MAML2: variants seen among roughly 807,000 people sequenced by gnomAD.
MAML2 encodes mastermind like transcriptional coactivator 2, also known as mastermind-like protein 2.
Under a neutral mutation model 96.1 loss-of-function variants are expected in MAML2, and 22 were observed. The ratio of observed to expected loss-of-function variants is 0.23; its 90% CI spans 0.16 to 0.33. The LOEUF is 0.33. MAML2 is among the 10% of genes least tolerant of loss of function. The pLI is 1.00. For missense variants in MAML2, 1,367 were observed against 1,392.4 expected (o/e 0.98, Z 0.29); for synonymous variants, 561 against 521.3 (o/e 1.08, Z -1.04).
chr11:96,166,177 T>TCACACACACA (rs1555018442), intron 1 of MAML2, among the ~76,000 whole-genome samples: 181 of 110,364 alleles, frequency 1.6e-3, no homozygotes, highest in African/African-American at 6.0e-3. Context: ...TCTCTCTCTC[T>TCACACACACA]CACACACACA....
At chr11:96,340,796 C>T (rs762483027) in intron 1 of MAML2, among the ~76,000 whole-genome samples, 4 of 152,114 alleles carry the variant, frequency 2.6e-5, no homozygotes, top group Non-Finnish European at 4.4e-5. Context: ...ACAGTGCCTC[C>T]CTAGTCTCTC....
chr11:96,157,956 G>C (rs1455850291), intron 1 of MAML2, among the ~76,000 whole-genome samples: 1 of 152,024 alleles, frequency 6.6e-6, no homozygotes, highest in South Asian at 2.1e-4. Context: ...AAGCTTCAAG[G>C]GGTGGTCTCT....
intron 1 of MAML2, among the ~76,000 whole-genome samples, chr11:96,200,212 C>T (rs139621664): frequency 6.6e-6 from 1 of 152,250 alleles, no homozygotes; most frequent in East Asian, 1.9e-4. Flanking sequence ...TGATTTTGCT[C>T]ACAATTAGTC....
At chr11:96,213,058 T>C (rs11021472) in intron 1 of MAML2, among the ~76,000 whole-genome samples, 1 of 152,082 alleles carries the variant, frequency 6.6e-6, no homozygotes, top group Non-Finnish European at 1.5e-5. Flanking sequence ...GTATCATATG[T>C]GGTAGGAACT....
At chr11:96,294,904 T>C (rs539033237) in intron 1 of MAML2, among the ~76,000 whole-genome samples, 5 of 152,178 alleles carry the variant, frequency 3.3e-5, no homozygotes, top group Non-Finnish European at 7.3e-5. Flanking sequence ...GATTCCAAGG[T>C]TCCATGCATG....
rs893397975 is a variant in MAML2, at chr11:96,076,438, A to T, written c.2139+15454T>A. 3.4e-3 allele frequency among the ~76,000 whole-genome samples: 171 copies of T among 50,766 alleles called. 1 individual carries two copies. The highest frequency in any genetic ancestry group is 0.01 in the African/African-American group (141 of 13,944). 33.3% of individuals were successfully genotyped at this position (50,766 alleles called of 152,430 possible). On this transcript the variant is annotated intron_variant, in intron 2 of 4. Coordinates refer to ENST00000524717, the MANE Select transcript of MAML2 (RefSeq NM_032427.4). Reference sequence around the variant, plus strand: ...TTTTGTCTCTCTCTCTCTCTCACACACACACACACACACACACACACACAC... The same window carrying T: ...TTTTGTCTCTCTCTCTCTCTCACACTCACACACACACACACACACACACAC...
intron 2 of MAML2, among the ~76,000 whole-genome samples, chr11:96,032,798 G>T (rs1858639472): frequency 6.6e-6 from 1 of 152,164 alleles, no homozygotes; most frequent in Non-Finnish European, 1.5e-5. Flanking sequence ...AGTGGCAAAA[G>T]GGTATATACT....
At chr11:96,234,968 A>G (rs557323558) in intron 1 of MAML2, among the ~76,000 whole-genome samples, 1 of 152,362 alleles carries the variant, frequency 6.6e-6, no homozygotes, top group Admixed American at 6.5e-5. Flanking sequence ...AAGTGGAACA[A>G]TGGTGACACA....
chr11:96,066,245 G>A (rs1423783657), intron 2 of MAML2, among the ~76,000 whole-genome samples: 4 of 152,180 alleles, frequency 2.6e-5, no homozygotes, highest in Non-Finnish European at 5.9e-5. Context: ...GTCACCAATA[G>A]TGCCAATGAG....
chr11:96,146,122 G>A (rs949262965), intron 1 of MAML2, among the ~76,000 whole-genome samples: 15 of 152,218 alleles, frequency 9.9e-5, no homozygotes, highest in Non-Finnish European at 1.6e-4. Flanking sequence ...ACCACAAAGT[G>A]AGGGAAAAGG....
chr11:96,225,170 G>A (rs1409593226), intron 1 of MAML2, among the ~76,000 whole-genome samples: 1 of 152,168 alleles, frequency 6.6e-6, no homozygotes, highest in Non-Finnish European at 1.5e-5. Flanking sequence ...CAGCTTCTAA[G>A]GAACAAAATA....
rs760811590 is a variant in MAML2 at position 96,159,407 on chromosome 11, C to CTTTTTTTTTTTTTTTTTTTTTTTTT, written c.514-65891_514-65890insAAAAAAAAAAAAAAAAAAAAAAAAA. ...TAACCGTGCCTCTAAACCACTGATTCTTTTTTTTTTTTTTTTTTTTTTTGA... is the reference window on the plus strand; with the variant it reads ...TAACCGTGCCTCTAAACCACTGATTCTTTTTTTTTTTTTTTTTTTTTTTTTTTTTTTTTTTTTTTTTTTTTTTTGA... On this transcript the variant is annotated intron_variant, in intron 1 of 4. Transcript: ENST00000524717. Among the ~76,000 whole-genome samples the CTTTTTTTTTTTTTTTTTTTTTTTTT allele has an allele frequency of 6.6e-5, 6 of 91,150 alleles. 1 individual carries two copies. Among genetic ancestry groups the CTTTTTTTTTTTTTTTTTTTTTTTTT allele is most frequent in the African/African-American group, 1.3e-4 (3 of 22,704 alleles). The allele number at this position is 91,150 out of a possible 152,430, so 59.8% of individuals were successfully genotyped here.
At chr11:96,306,597 A>G (rs1360521205) in intron 1 of MAML2, among the ~76,000 whole-genome samples, 1 of 152,236 alleles carries the variant, frequency 6.6e-6, no homozygotes, top group African/African-American at 2.4e-5. Context: ...TATTTTGCCA[A>G]TACTAGGGGT....
intron 2 of MAML2, among the ~76,000 whole-genome samples, chr11:96,075,815 T>C (rs1236817081): frequency 6.6e-6 from 1 of 152,240 alleles, no homozygotes; most frequent in Non-Finnish European, 1.5e-5. Context: ...GGTATCATAC[T>C]GTTTAATGTG....
chr11:96,236,922 C>T (rs1333076022), intron 1 of MAML2, among the ~76,000 whole-genome samples: 3 of 152,170 alleles, frequency 2.0e-5, no homozygotes, highest in Non-Finnish European at 1.5e-5. Flanking sequence ...CTAGTGAGTG[C>T]CATCTATCAT....
intron 1 of MAML2, among the ~76,000 whole-genome samples, chr11:96,245,169 T>C (rs1039481889): frequency 7.2e-5 from 11 of 151,806 alleles, no homozygotes; most frequent in Middle Eastern, 3.2e-3. Context: ...TTGCAAAAAT[T>C]AATTCAGGGA....
At chr11:96,216,617 A>G (rs192497246) in intron 1 of MAML2, among the ~76,000 whole-genome samples, 1 of 152,304 alleles carries the variant, frequency 6.6e-6, no homozygotes, top group Admixed American at 6.5e-5. Context: ...TTGTAATAAA[A>G]TGCTTATGGA....
chr11:96,213,654 T>C (rs1241796532), intron 1 of MAML2, among the ~76,000 whole-genome samples: 5 of 152,180 alleles, frequency 3.3e-5, no homozygotes, highest in African/African-American at 4.8e-5. Context: ...AACGGGCTGA[T>C]ATTTACTCAT....
intron 1 of MAML2, among the ~76,000 whole-genome samples, chr11:96,336,459 G>C (rs1337502729): frequency 1.3e-5 from 2 of 152,200 alleles, no homozygotes; most frequent in Non-Finnish European, 2.9e-5. Context: ...GTCTTTAGCT[G>C]TATTTCTCCT....
Sources: gnomAD v4.1 joint callset for allele counts (sites outside exome capture counted in the v4.1 genomes callset) on GRCh38, gnomAD v4.1.1 for gene constraint, MANE v1.5 for transcripts, NCBI Gene and HGNC (gene_info 2026-07-23, HGNC 2026-07-21) for gene names.